Variants in SYT9 observed in about 807,000 individuals in gnomAD.
The protein encoded by SYT9 is synaptotagmin-9.
Under a neutral mutation model 48.4 loss-of-function variants are expected in SYT9, and 22 were observed. The ratio of observed to expected loss-of-function variants is 0.45; its 90% CI spans 0.32 to 0.65. The LOEUF is 0.65. SYT9 is among the 30% of genes least tolerant of loss of function. The pLI, the probability that SYT9 is intolerant of heterozygous loss-of-function variation, is 0.03. For missense variants in SYT9, 577 were observed against 622.0 expected (o/e 0.93, Z 0.77); for synonymous variants, 265 against 245.0 (o/e 1.08, Z -0.76).
rs1847282447 is a variant in SYT9, at chr11:7,417,943, C to T, written c.1166-14C>T. ...GTATCCTCACAGTACTCCTGCTTCT[C>T]ATGGTCTGTCCAGATCCCTATGTGA... On this transcript the variant is annotated splice_polypyrimidine_tract_variant and intron_variant, in intron 4 of 6. Coordinates refer to ENST00000318881, the MANE Select transcript of SYT9 (RefSeq NM_175733.4). 1 of 1,609,736 alleles carries T rather than the reference C, an allele frequency of 6.2e-7. No homozygotes were observed.
intron 3 of SYT9, among the ~76,000 whole-genome samples, chr11:7,410,753 G>A (rs1218856890): frequency 1.3e-5 from 2 of 152,066 alleles, no homozygotes; most frequent in Non-Finnish European, 2.9e-5. Context: ...CAGGTAAAGT[G>A]TATTTGTTGT....
At chr11:7,244,702 G>A (rs571019681) in intron 1 of SYT9, among the ~76,000 whole-genome samples, 8 of 152,260 alleles carry the variant, frequency 5.3e-5, no homozygotes, top group Non-Finnish European at 1.0e-4. Flanking sequence ...GCAACTATCT[G>A]GCAAGTAACT....
intron 6 of SYT9, among the ~76,000 whole-genome samples, chr11:7,460,512 T>C (rs1025649862): frequency 1.3e-5 from 2 of 152,144 alleles, no homozygotes; most frequent in Non-Finnish European, 2.9e-5. Flanking sequence ...AAAATTGTTC[T>C]CAATCATGTA....
At chr11:7,374,814 A>G (rs185806835) in intron 3 of SYT9, among the ~76,000 whole-genome samples, 110 of 152,124 alleles carry the variant, frequency 7.2e-4, no homozygotes, top group Middle Eastern at 3.4e-3. Context: ...TAGATTCTGG[A>G]TATTAGCCCT....
chr11:7,376,308 TTCTC>T (rs63008562), intron 3 of SYT9, among the ~76,000 whole-genome samples: 29 of 144,176 alleles, frequency 2.0e-4, no homozygotes, highest in Admixed American at 7.0e-4. Flanking sequence ...ATCTCTTCCT[TTCTC>T]TCTCTCTATC....
chr11:7,411,553 GC>G (rs1395813667), intron 3 of SYT9, among the ~76,000 whole-genome samples: 1 of 151,948 alleles, frequency 6.6e-6, no homozygotes, highest in African/African-American at 2.4e-5. Flanking sequence ...TGTCTCTCTT[GC>G]CCTGTATTGT....
intron 6 of SYT9, among the ~76,000 whole-genome samples, chr11:7,463,977 A>G (rs1848282012): frequency 6.6e-6 from 1 of 152,020 alleles, no homozygotes; most frequent in South Asian, 2.1e-4. Context: ...GGGGACTGGT[A>G]AAAAAAATTG....
chr11:7,242,539 A>G (rs1300591219), intron 1 of SYT9, among the ~76,000 whole-genome samples: 1 of 152,252 alleles, frequency 6.6e-6, no homozygotes, highest in Non-Finnish European at 1.5e-5. Context: ...TGTCTGGCAC[A>G]TAGCATGAGT....
intron 6 of SYT9, among the ~76,000 whole-genome samples, chr11:7,460,935 T>A (rs1343158280): frequency 6.6e-6 from 1 of 152,122 alleles, no homozygotes; most frequent in African/African-American, 2.4e-5. Flanking sequence ...GAGATTTGAG[T>A]CCCAAATTGC....
At chr11:7,290,226 G>A (rs1444117743) in intron 1 of SYT9, among the ~76,000 whole-genome samples, 1 of 152,162 alleles carries the variant, frequency 6.6e-6, no homozygotes, top group Non-Finnish European at 1.5e-5. Context: ...TAGCTTGGAA[G>A]TATTTCTCAG....
chr11:7,322,113 A>G (rs1849348827), intron 3 of SYT9, among the ~76,000 whole-genome samples: 1 of 152,032 alleles, frequency 6.6e-6, no homozygotes, highest in Non-Finnish European at 1.5e-5. Flanking sequence ...AAGGAAGGGG[A>G]CCTGATTTTA....
intron 3 of SYT9, among the ~76,000 whole-genome samples, chr11:7,386,296 T>C (rs1169785063): frequency 6.6e-6 from 1 of 151,948 alleles, no homozygotes; most frequent in Non-Finnish European, 1.5e-5. Context: ...AATTGACAAA[T>C]AGGATCTAAT....
At chr11:7,420,445 G>A in intron 5 of SYT9, 61 bp from the exon 6 acceptor site, 1 of 1,588,532 alleles carries the variant, frequency 6.3e-7, no homozygotes, top group Non-Finnish European at 8.6e-7. Flanking sequence ...GTTTAATTGA[G>A]TAGCTATTGA....
At chr11:7,360,355 G>A (rs1850109818) in intron 3 of SYT9, among the ~76,000 whole-genome samples, 1 of 152,122 alleles carries the variant, frequency 6.6e-6, no homozygotes, top group Non-Finnish European at 1.5e-5. Context: ...GGTTCCATAA[G>A]AACTTTAAAG....
chr11:7,462,584 A>G (rs985574119), intron 6 of SYT9, among the ~76,000 whole-genome samples: 2 of 152,252 alleles, frequency 1.3e-5, no homozygotes, highest in African/African-American at 2.4e-5. Flanking sequence ...GTGCTAAGCA[A>G]CAGTCAACAA....
At chr11:7,371,785 G>GT (rs954602411) in intron 3 of SYT9, among the ~76,000 whole-genome samples, 3 of 152,120 alleles carry the variant, frequency 2.0e-5, no homozygotes, top group African/African-American at 7.2e-5. Context: ...TTTGTTCAGC[G>GT]TAATGCCTTT....
chr11:7,300,065 C>T (rs554473595), intron 1 of SYT9, among the ~76,000 whole-genome samples: 122 of 152,158 alleles, frequency 8.0e-4, no homozygotes, highest in African/African-American at 2.9e-3. Flanking sequence ...CCCCTTTTCT[C>T]TCCTAAAAGT....
In SYT9 at chr11:7,252,360, A is replaced by G. The variant is rs992902332; in HGVS notation, c.145+29A>G. On this transcript the variant is annotated intron_variant, in intron 1 of 6. Transcript: ENST00000318881. The surrounding 1 kb of genome is among the most constrained non-coding windows in gnomAD (Gnocchi z 6.3). ...AGTGCCGCCACCGCCGCCTGGAGGG[A>G]CCTAAGGGCCCTGGGCTGGGACTTG... 18 of 1,428,506 alleles carry G rather than the reference A, an allele frequency of 1.3e-5. No homozygotes were observed. The highest frequency in any genetic ancestry group is 1.7e-5 in the Non-Finnish European group (18 of 1,089,664). The allele number at this position is 1,428,506 out of a possible 1,614,324, so 88.5% of individuals were successfully genotyped here.
intron 3 of SYT9, among the ~76,000 whole-genome samples, chr11:7,391,526 G>A (rs1846610214): frequency 1.3e-5 from 2 of 151,824 alleles, no homozygotes; most frequent in African/African-American, 4.8e-5. Context: ...GTATCTCATT[G>A]TGGTTTTCAT....
Sources: gnomAD v4.1 joint callset for allele counts (sites outside exome capture counted in the v4.1 genomes callset) on GRCh38, gnomAD v4.1.1 for gene constraint, Gnocchi (gnomAD v3.1) non-coding constraint, MANE v1.5 for transcripts, NCBI Gene and HGNC (gene_info 2026-07-23, HGNC 2026-07-21) for gene names.